CCDC7: variants seen among roughly 807,000 people sequenced by gnomAD.
CCDC7 encodes the protein coiled-coil domain containing 7.
CCDC7 carries 183 observed loss-of-function variants against 196.9 expected under a neutral mutation model. The observed-to-expected ratio is 0.93, with a 90% CI of 0.82 to 1.05. CCDC7 has a LOEUF of 1.05. CCDC7 is among the 50% of genes least tolerant of loss of function. The probability of loss-of-function intolerance (pLI) is 0.00; values close to 1 mark genes in which losing one functional copy is unlikely to be tolerated. For missense variants in CCDC7, 1,540 were observed against 1,482.2 expected (o/e 1.04, Z -0.64); for synonymous variants, 525 against 484.6 (o/e 1.08, Z -1.10).
chr10:32,464,242 T>C (rs935282722), intron 5 of CCDC7, among the ~76,000 whole-genome samples: 1 of 152,190 alleles, frequency 6.6e-6, no homozygotes, highest in Non-Finnish European at 1.5e-5. Flanking sequence ...CAACTTATTC[T>C]TGAACTGTAA....
chr10:32,488,181 A>C (rs1330284346), intron 8 of CCDC7, among the ~76,000 whole-genome samples: 2 of 152,212 alleles, frequency 1.3e-5, no homozygotes, highest in Admixed American at 1.3e-4. Context: ...AGCCTCGGCA[A>C]TGGCGGGCGC....
chr10:32,579,046 A>G (rs1278491830), intron 16 of CCDC7, among the ~76,000 whole-genome samples: 8 of 152,216 alleles, frequency 5.3e-5, no homozygotes, highest in Non-Finnish European at 1.5e-5. Context: ...AACATTCTCA[A>G]GAAGGATTAT....
Position 32,512,076 on chromosome 10 carries a change from T to C in CCDC7, c.873-5869T>C, listed in dbSNP as rs2046308185. 1.3e-5 allele frequency: 3 copies of C among 223,414 alleles called. No homozygotes were observed. In the Admixed American group the frequency reaches 1.6e-4, roughly 12 times the overall value. The allele number at this position is 223,414 out of a possible 1,614,324, so 13.8% of individuals were successfully genotyped here. A position where few individuals can be genotyped will look rare whatever the true frequency, so the allele number is the denominator to read the frequency against. ...TCACCTGTGCATATTGAGAAATAAA[T>C]AAATAGGCATAGATCTAGAGGGCCT... is the stretch of plus-strand genomic sequence containing the variant. On this transcript the variant is annotated intron_variant, in intron 9 of 41. Transcript: ENST00000639629.
intron 21 of CCDC7, among the ~76,000 whole-genome samples, chr10:32,681,715 A>T (rs567779461): frequency 1.4e-5 from 2 of 146,000 alleles, no homozygotes; most frequent in South Asian, 4.5e-4. Context: ...CTGAAGTTGG[A>T]TTCTTCAGTG....
chr10:32,708,591 C>G (rs118133097), intron 24 of CCDC7, among the ~76,000 whole-genome samples: 1 of 152,140 alleles, frequency 6.6e-6, no homozygotes, highest in Non-Finnish European at 1.5e-5. Flanking sequence ...GGGCTAATGT[C>G]CAGAATCTAT....
chr10:32,701,875 A>AT (rs979068522), intron 24 of CCDC7, among the ~76,000 whole-genome samples: 3 of 151,932 alleles, frequency 2.0e-5, no homozygotes, highest in African/African-American at 7.3e-5. Context: ...CCCCTTTATC[A>AT]TTTTTTATTG....
At chr10:32,790,378 A>T (rs1272696236) in intron 29 of CCDC7, among the ~76,000 whole-genome samples, 1 of 152,154 alleles carries the variant, frequency 6.6e-6, no homozygotes, top group East Asian at 1.9e-4. Context: ...CTAACACCAC[A>T]TAAACACCAC....
At chr10:32,610,787 G>A (rs1391823303) in intron 18 of CCDC7, among the ~76,000 whole-genome samples, 10 of 152,286 alleles carry the variant, frequency 6.6e-5, no homozygotes, top group Non-Finnish European at 1.0e-4. Context: ...ATTCCATGGT[G>A]TATATGTGCC....
At chr10:32,776,601 C>T (rs1337966863) in intron 28 of CCDC7, among the ~76,000 whole-genome samples, 1 of 152,034 alleles carries the variant, frequency 6.6e-6, no homozygotes, top group African/African-American at 2.4e-5. Flanking sequence ...TTCTATTTCC[C>T]TCATCTGTTA....
intron 20 of CCDC7, among the ~76,000 whole-genome samples, chr10:32,639,522 T>G (rs2066314775): frequency 1.3e-5 from 2 of 152,318 alleles, no homozygotes; most frequent in East Asian, 3.9e-4. Context: ...CAGGAGCAGG[T>G]TGTTCAGTTT....
At chr10:32,514,467 G>C (rs1450045410) in intron 9 of CCDC7, 1 of 152,228 alleles carries the variant, frequency 6.6e-6, no homozygotes, top group Non-Finnish European at 1.5e-5. Flanking sequence ...ACAGTGGCTA[G>C]AATAGGCATG....
At chr10:32,541,182 G>T (rs1489778959) in intron 11 of CCDC7, among the ~76,000 whole-genome samples, 1 of 152,108 alleles carries the variant, frequency 6.6e-6, no homozygotes, top group Non-Finnish European at 1.5e-5. Flanking sequence ...TCAGGCAGAA[G>T]TAGGACCACT....
At chr10:32,823,638 A>C (rs1038277549) in intron 31 of CCDC7, among the ~76,000 whole-genome samples, 1 of 152,230 alleles carries the variant, frequency 6.6e-6, no homozygotes, top group Non-Finnish European at 1.5e-5. Flanking sequence ...TGCTCTGCTA[A>C]AACCAACTTT....
intron 11 of CCDC7, among the ~76,000 whole-genome samples, chr10:32,529,028 A>AT (rs2049204013): frequency 6.6e-6 from 1 of 151,234 alleles, no homozygotes; most frequent in Non-Finnish European, 1.5e-5. Context: ...ATTTTATGTT[A>AT]TTTTTTATTT....
At chr10:32,831,680 G>T (rs1257331155) in intron 32 of CCDC7, among the ~76,000 whole-genome samples, 2 of 152,182 alleles carry the variant, frequency 1.3e-5, no homozygotes, top group Non-Finnish European at 2.9e-5. Flanking sequence ...AAGATCATCA[G>T]TATCATCACT....
chr10:32,540,526 C>G (rs1448317327), intron 11 of CCDC7, among the ~76,000 whole-genome samples: 1 of 152,174 alleles, frequency 6.6e-6, no homozygotes, highest in African/African-American at 2.4e-5. Flanking sequence ...TTTGCATTCT[C>G]TGTTAATATT....
chr10:32,867,385 T>C (rs1204505894), intron 41 of CCDC7, among the ~76,000 whole-genome samples: 1 of 151,572 alleles, frequency 6.6e-6, no homozygotes, highest in Admixed American at 6.6e-5. Flanking sequence ...ATCATGTTTA[T>C]AAATATATGT....
chr10:32,756,722 A>G (rs1309651196), intron 28 of CCDC7, among the ~76,000 whole-genome samples: 1 of 152,242 alleles, frequency 6.6e-6, no homozygotes, highest in African/African-American at 2.4e-5. Flanking sequence ...AGCTAACATC[A>G]TAATTACAGG....
chr10:32,702,837 C>T (rs949042569), intron 24 of CCDC7, among the ~76,000 whole-genome samples: 1 of 152,154 alleles, frequency 6.6e-6, no homozygotes, highest in Admixed American at 6.5e-5. Context: ...AGGATTGCAA[C>T]CTCTGCCTTT....
Sources: allele counts gnomAD v4.1 joint callset (sites outside exome capture counted in the v4.1 genomes callset), GRCh38; gene constraint gnomAD v4.1.1; transcripts MANE v1.5; gene names NCBI Gene and HGNC (gene_info 2026-07-23, HGNC 2026-07-21).